AASDH: variants seen among roughly 807,000 people sequenced by gnomAD.
AASDH encodes the protein beta-alanine-activating enzyme.
Under a neutral mutation model 102.3 loss-of-function variants are expected in AASDH, and 81 were observed. The ratio of observed to expected loss-of-function variants is 0.79; its 90% CI spans 0.66 to 0.95. The LOEUF is 0.95. AASDH is among the 40% of genes least tolerant of loss of function. The probability of loss-of-function intolerance (pLI) is 0.00; values close to 1 mark genes in which losing one functional copy is unlikely to be tolerated. For missense variants in AASDH, 1,203 were observed against 1,266.2 expected, an observed-to-expected ratio of 0.95 and a Z score of 0.76; for synonymous variants, 398 against 454.0, an observed-to-expected ratio of 0.88 and a Z score of 1.57.
intron 14 of AASDH, among the ~76,000 whole-genome samples, chr4:56,342,604 T>C (rs59062367): frequency 0.075 from 11,356 of 152,086 alleles, 606 homozygotes; most frequent in East Asian, 0.25. Flanking sequence ...TTTAAAAAAT[T>C]AAGAAATCCA....
chr4:56,338,763 A>C lies in AASDH; in HGVS notation c.2936T>G (p.Ile979Ser). 1 of 1,614,140 alleles carries C rather than the reference A, an allele frequency of 6.2e-7. No individual in the cohort carries two copies. Among genetic ancestry groups the C allele is most frequent in the Non-Finnish European group, 8.5e-7 (1 of 1,180,004 alleles). Residue 979 changes from isoleucine (I) to serine (S), a missense_variant, in exon 15 of 15, where the codon ATC becomes AGC. Coordinates refer to ENST00000205214, the MANE Select transcript of AASDH (RefSeq NM_181806.4). ...TGGTGAGGTACACGGGGATGAAAAG[A>C]TTGGTCCACTGGTAGAGAACTGCCA... ...QVWQFSTSGP[I>S]FSSPCTSPSE...
At position 56,369,262 on chromosome 4, in the gene AASDH, A is replaced by G. The variant is rs534044849; in HGVS notation, c.861+2189T>C. 1.9e-4 allele frequency among the ~76,000 whole-genome samples: 29 copies of G among 152,368 alleles called. 1 individual carries two copies. In the South Asian group the frequency reaches 3.9e-3, roughly 21 times the overall value. ...GATGAGATTTAAAGAGGTAGAATTCATTGACCTGACATAGAAGGAAAGTCT... is the reference window on the plus strand; with the variant it reads ...GATGAGATTTAAAGAGGTAGAATTCGTTGACCTGACATAGAAGGAAAGTCT... On this transcript the variant is annotated intron_variant, in intron 5 of 14. Coordinates refer to ENST00000205214, the MANE Select transcript of AASDH (RefSeq NM_181806.4).
chr4:56,357,554 C>A (rs912423772), intron 5 of AASDH, among the ~76,000 whole-genome samples: 5 of 151,738 alleles, frequency 3.3e-5, no homozygotes, highest in Non-Finnish European at 5.9e-5. Flanking sequence ...TCCAACTGGA[C>A]CCCTTATCCA....
chr4:56,370,067 T>G (rs1751506530), intron 5 of AASDH, among the ~76,000 whole-genome samples: 1 of 152,078 alleles, frequency 6.6e-6, no homozygotes, highest in Non-Finnish European at 1.5e-5. Context: ...ATTTGTATGT[T>G]GAAATCCTAA....
chr4:56,362,249 A>T (rs910912643), intron 5 of AASDH, among the ~76,000 whole-genome samples: 2 of 151,706 alleles, frequency 1.3e-5, no homozygotes, highest in Admixed American at 6.6e-5. Flanking sequence ...ATGTGTTTTG[A>T]CAGCTTTTTT....
At position 56,349,489 on chromosome 4, in the gene AASDH, C is replaced by G. The variant is rs1219036183; in HGVS notation, c.2262G>C (p.Glu754Asp). 3.1e-6 allele frequency: 5 copies of G among 1,614,176 alleles called. No homozygotes were observed. ...GKPAIGTQKMELHVRWRSDTG... is the reference protein window; with the variant it reads ...GKPAIGTQKMDLHVRWRSDTG... ...TGTCTGACCTCCACCTCACATGTAA[C>G]TCCATTTTCTGAGTCCCTATCGCAG... Residue 754 changes from glutamate (E) to aspartate (D), a missense_variant, in exon 11 of 15, where the codon GAG becomes GAC. Transcript: ENST00000205214.
intron 1 of AASDH, among the ~76,000 whole-genome samples, chr4:56,385,497 T>A (rs1753445087): frequency 6.6e-6 from 1 of 152,188 alleles, no homozygotes; most frequent in Non-Finnish European, 1.5e-5. Flanking sequence ...GTAAAAAAAA[T>A]TCACAGTGTT....
At chr4:56,355,593 G>GTTTTTTTTTTTTTTTTTTTT (rs149149581) in intron 5 of AASDH, among the ~76,000 whole-genome samples, 170 bp from the exon 6 acceptor site, 1 of 91,916 alleles carries the variant, frequency 1.1e-5, no homozygotes, top group Non-Finnish European at 2.0e-5. Context: ...TTATCTTCTT[G>GTTTTTTTTTTTTTTTTTTTT]TTTTTTTTTT....
intron 5 of AASDH, among the ~76,000 whole-genome samples, chr4:56,364,577 G>A (rs1318007397): frequency 2.6e-5 from 4 of 152,188 alleles, no homozygotes; most frequent in African/African-American, 4.8e-5. Flanking sequence ...CATTCTTAAA[G>A]AAAAGAATTT....
At chr4:56,357,342 C>T (rs185354905) in intron 5 of AASDH, among the ~76,000 whole-genome samples, 1 of 152,236 alleles carries the variant, frequency 6.6e-6, no homozygotes, top group African/African-American at 2.4e-5. Context: ...AAAGCAACCT[C>T]AGGCTTCTTT....
intron 11 of AASDH, among the ~76,000 whole-genome samples, chr4:56,346,543 C>T (rs376778528): frequency 6.6e-6 from 1 of 152,176 alleles, no homozygotes. Flanking sequence ...TAAAGGACTC[C>T]TCTTCAAAAG....
At chr4:56,340,505 T>C (rs1747537393) in intron 14 of AASDH, among the ~76,000 whole-genome samples, 1 of 152,130 alleles carries the variant, frequency 6.6e-6, no homozygotes, top group African/African-American at 2.4e-5. Flanking sequence ...CCCCTCTCTC[T>C]CACTGCATAT....
chr4:56,378,407 T>TA lies in AASDH; in HGVS notation c.408dup (p.Asn137Ter). ...TGAAGTCTGAAGAGCACTAGGTCAT[T>TA]ATGTTCCACTGTAAATGTATCATAG... is the stretch of plus-strand genomic sequence containing the variant. On this transcript the variant is annotated frameshift_variant, in exon 4 of 15. Coordinates refer to ENST00000205214, the MANE Select transcript of AASDH (RefSeq NM_181806.4). LOFTEE classifies it high-confidence loss of function. 6.2e-7 allele frequency: 1 copy of TA among 1,613,390 alleles called. No individual in the cohort carries two copies. Among genetic ancestry groups the TA allele is most frequent in the African/African-American group, 1.3e-5 (1 of 74,942 alleles).
chr4:56,355,591 T>TTG (rs1269500010), intron 5 of AASDH, among the ~76,000 whole-genome samples, 168 bp from the exon 6 acceptor site: 49 of 121,238 alleles, frequency 4.0e-4, no homozygotes, highest in African/African-American at 1.5e-3. Context: ...CATTATCTTC[T>TTG]TGTTTTTTTT....
intron 13 of AASDH, among the ~76,000 whole-genome samples, 175 bp downstream of exon 13, chr4:56,343,387 T>C (rs906286674): frequency 1.3e-4 from 19 of 151,786 alleles, no homozygotes; most frequent in African/African-American, 4.4e-4. Context: ...TATACAGGAA[T>C]TTAAATTTTC....
chr4:56,345,488 G>A (rs1372021561), intron 11 of AASDH, among the ~76,000 whole-genome samples, 198 bp from the exon 12 acceptor site: 1 of 152,156 alleles, frequency 6.6e-6, no homozygotes, highest in Admixed American at 6.5e-5. Flanking sequence ...TTTAGTAGGT[G>A]TATCTTATCT....
chr4:56,341,829 G>A (rs1747728183), intron 14 of AASDH, among the ~76,000 whole-genome samples: 1 of 151,876 alleles, frequency 6.6e-6, no homozygotes, highest in African/African-American at 2.4e-5. Flanking sequence ...TAGAAGTTGG[G>A]GGCCGGGCGT....
chr4:56,354,277 A>C, intron 7 of AASDH, 66 bp from the exon 8 acceptor site: 1 of 1,384,708 alleles, frequency 7.2e-7, no homozygotes, highest in Non-Finnish European at 9.5e-7. Flanking sequence ...CCATAAAATC[A>C]ACATCTCCAA....
intron 11 of AASDH, among the ~76,000 whole-genome samples, chr4:56,346,781 G>A (rs947252843): frequency 2.0e-5 from 3 of 152,158 alleles, no homozygotes; most frequent in South Asian, 2.1e-4. Context: ...GGTGGCTCAC[G>A]TCTGTAATCC....
Sources: allele counts gnomAD v4.1 joint callset (sites outside exome capture counted in the v4.1 genomes callset), GRCh38; gene constraint gnomAD v4.1.1; transcripts MANE v1.5; gene names NCBI Gene and HGNC (gene_info 2026-07-23, HGNC 2026-07-21).